The following RBFOX1 variants were observed in gnomAD, a reference collection of about 807,000 sequenced individuals.
RBFOX1 encodes RNA binding protein fox-1 homolog 1.
A neutral mutation model predicts 57.7 loss-of-function variants in RBFOX1; 8 were observed. That is an observed-to-expected ratio of 0.14 (90% CI 0.08 to 0.25). RBFOX1 has a LOEUF of 0.25. Ranked by LOEUF, RBFOX1 falls within the 10% of genes least tolerant of loss-of-function variation. The probability of loss-of-function intolerance (pLI) is 1.00; values close to 1 mark genes in which losing one functional copy is unlikely to be tolerated. For missense variants in RBFOX1, 611 were observed against 548.5 expected (o/e 1.11, Z -1.14); for synonymous variants, 326 against 222.4 (o/e 1.47, Z -4.15).
chr16:6,179,228 T>C (rs1311094648), intron 1 of RBFOX1, among the ~76,000 whole-genome samples: 1 of 152,126 alleles, frequency 6.6e-6, no homozygotes, highest in Non-Finnish European at 1.5e-5. Context: ...CCTTTAACTA[T>C]CCAACGCCGA....
chr16:6,942,095 C>T (rs1203158699), intron 3 of RBFOX1, among the ~76,000 whole-genome samples: 2 of 152,122 alleles, frequency 1.3e-5, no homozygotes, highest in Non-Finnish European at 2.9e-5. Context: ...AAAAATTAGC[C>T]ACGTGCAGTG....
chr16:6,549,099 G>T (rs189681659), intron 2 of RBFOX1, among the ~76,000 whole-genome samples: 14 of 119,190 alleles, frequency 1.2e-4, no homozygotes, highest in African/African-American at 3.3e-4. Context: ...GGGAAGAGGA[G>T]GCGGGGAGGA....
intron 3 of RBFOX1, among the ~76,000 whole-genome samples, chr16:6,994,705 G>C (rs1467544440): frequency 6.6e-6 from 1 of 152,148 alleles, no homozygotes; most frequent in Non-Finnish European, 1.5e-5. Context: ...GTTGTATTCT[G>C]AAAGTCCTGA....
intron 3 of RBFOX1, among the ~76,000 whole-genome samples, chr16:6,749,317 C>G (rs889997262): frequency 6.6e-6 from 1 of 152,142 alleles, no homozygotes; most frequent in Non-Finnish European, 1.5e-5. Flanking sequence ...AGAACAGATG[C>G]ACACAGGACG....
chr16:6,456,300 C>G (rs890551200), intron 2 of RBFOX1, among the ~76,000 whole-genome samples: 5 of 152,214 alleles, frequency 3.3e-5, no homozygotes, highest in East Asian at 3.9e-4. Flanking sequence ...GAGTGTGCAT[C>G]TATTCAAGCT....
In RBFOX1 at chr16:7,194,401, A is replaced by G. The variant is rs572566337; in HGVS notation, c.27+142303A>G. On this transcript the variant is annotated intron_variant, in intron 4 of 15. Coordinates refer to ENST00000550418, the MANE Select transcript of RBFOX1 (RefSeq NM_018723.4). Reference sequence around the variant, plus strand: ...ACAAAGCACATCAATGTAAAAAGATACTAAGCAGCTGACAATTTATGATTA... The same window carrying G: ...ACAAAGCACATCAATGTAAAAAGATGCTAAGCAGCTGACAATTTATGATTA... 2.0e-5 allele frequency among the ~76,000 whole-genome samples: 3 copies of G among 152,350 alleles called. No individual in the cohort carries two copies. In the South Asian group the frequency reaches 6.2e-4, roughly 32 times the overall value.
chr16:5,813,200 G>A (rs1046715877), intron 3 of RBFOX1, among the ~76,000 whole-genome samples: 2 of 152,068 alleles, frequency 1.3e-5, no homozygotes, highest in Non-Finnish European at 2.9e-5. Context: ...TAGAGACGGG[G>A]TTTCACCATC....
intron 3 of RBFOX1, among the ~76,000 whole-genome samples, chr16:6,946,586 C>T (rs904699686): frequency 6.6e-6 from 1 of 152,060 alleles, no homozygotes; most frequent in African/African-American, 2.4e-5. Context: ...TCTCCAAGAA[C>T]CTTTTTTTCA....
chr16:6,917,103 G>A (rs2073365344), intron 3 of RBFOX1, among the ~76,000 whole-genome samples: 1 of 152,160 alleles, frequency 6.6e-6, no homozygotes, highest in Admixed American at 6.5e-5. Context: ...CACCTGCCTT[G>A]GCCTCCCAGA....
intron 1 of RBFOX1, among the ~76,000 whole-genome samples, chr16:5,246,916 C>A (rs910670021): frequency 6.6e-6 from 1 of 152,258 alleles, no homozygotes; most frequent in South Asian, 2.1e-4. Context: ...AGCAATCTGC[C>A]GGCCTCAGCC....
intron 4 of RBFOX1, among the ~76,000 whole-genome samples, chr16:7,206,519 C>G (rs1034224509): frequency 5.7e-4 from 86 of 151,946 alleles, no homozygotes; most frequent in Non-Finnish European, 8.8e-5. Context: ...TAGAAAGACA[C>G]TTGCAAGCTC....
At chr16:6,470,581 C>A (rs112791326) in intron 2 of RBFOX1, among the ~76,000 whole-genome samples, 108 of 152,308 alleles carry the variant, frequency 7.1e-4, no homozygotes, top group African/African-American at 2.5e-3. Context: ...AAGTAGAACA[C>A]ATATCTATCC....
chr16:7,061,537 C>T (rs1028566322), intron 4 of RBFOX1, among the ~76,000 whole-genome samples: 5 of 151,970 alleles, frequency 3.3e-5, no homozygotes, highest in East Asian at 1.9e-4. Flanking sequence ...TTTGAGTCTC[C>T]CCAGGCATTT....
chr16:5,572,911 C>T (rs528762820), intron 2 of RBFOX1, among the ~76,000 whole-genome samples: 4 of 151,998 alleles, frequency 2.6e-5, no homozygotes, highest in Non-Finnish European at 4.4e-5. Flanking sequence ...CCAGGGCAGA[C>T]GGGGACAGAA....
At chr16:7,202,298 T>TAAAAAAAAA (rs35437762) in intron 4 of RBFOX1, among the ~76,000 whole-genome samples, 1 of 131,740 alleles carries the variant, frequency 7.6e-6, no homozygotes, top group Non-Finnish European at 1.7e-5. Context: ...TGGCTGCAAA[T>TAAAAAAAAA]AAAAAAAAAA....
intron 2 of RBFOX1, among the ~76,000 whole-genome samples, chr16:5,582,248 C>A (rs112006222): frequency 4.2e-4 from 64 of 152,114 alleles, no homozygotes; most frequent in Non-Finnish European, 7.1e-4. Context: ...GAGTTAGGAG[C>A]ATCTGAGGCA....
chr16:5,804,389 T>C (rs2151760427), intron 3 of RBFOX1, among the ~76,000 whole-genome samples: 1 of 152,330 alleles, frequency 6.6e-6, no homozygotes, highest in Non-Finnish European at 1.5e-5. Flanking sequence ...ACAGAGTTTT[T>C]GTCTGTAATC....
At chr16:6,917,048 A>G (rs2073349306) in intron 3 of RBFOX1, among the ~76,000 whole-genome samples, 1 of 152,026 alleles carries the variant, frequency 6.6e-6, no homozygotes, top group Admixed American at 6.6e-5. Flanking sequence ...GGGTTTCACC[A>G]TGTTGTTGGA....
intron 4 of RBFOX1, among the ~76,000 whole-genome samples, chr16:5,881,161 C>G (rs966032903): frequency 6.6e-6 from 1 of 152,328 alleles, no homozygotes; most frequent in East Asian, 1.9e-4. Context: ...CCTGTAGAAT[C>G]TTGGATCCCC....
Sources: allele counts gnomAD v4.1 joint callset (sites outside exome capture counted in the v4.1 genomes callset), GRCh38; gene constraint gnomAD v4.1.1; transcripts MANE v1.5; gene names NCBI Gene and HGNC (gene_info 2026-07-23, HGNC 2026-07-21).